Variants in THSD1 observed in about 807,000 individuals in gnomAD.
The protein encoded by THSD1 is thrombospondin type-1 domain-containing protein 1.
In THSD1, 34 loss-of-function variants were observed where a neutral mutation model predicts 46.3. That is an observed-to-expected ratio of 0.74 (90% CI 0.56 to 0.98). The LOEUF is 0.98. Ranked by LOEUF, THSD1 falls within the 50% of genes least tolerant of loss-of-function variation. The pLI is 0.00. For synonymous variants in THSD1, 407 were observed against 416.5 expected, an observed-to-expected ratio of 0.98 and a Z score of 0.28; for missense variants, 1,023 against 1,058.3, an observed-to-expected ratio of 0.97 and a Z score of 0.46.
Position 52,377,896 on chromosome 13 carries a change from C to T in THSD1, c.2074G>A (p.Glu692Lys). The change falls in exon 5 of 5, where the codon GAG (glutamate) becomes AAG (lysine). Residue 692 changes from glutamate (E) to lysine (K), a missense_variant. Physicochemically the swap from Glu to Lys is moderately conservative, Grantham distance 56. This residue lies in a region of THSD1 where 578 missense variants were observed against 497.4 expected (regional missense o/e 1.16). Coordinates refer to ENST00000258613, the MANE Select transcript of THSD1 (RefSeq NM_018676.4). ...SSRTRTCEQA[E>K]DRFRPQSRGA... The stretch of plus-strand genomic sequence containing the variant: ...CGACTCTGAGGCCTAAATCTGTCCT[C>T]TGCCTGCTCGCAGGTCCGCGTCCTA... 1 of 1,614,238 alleles carries T rather than the reference C, an allele frequency of 6.2e-7. No homozygotes were observed. Among genetic ancestry groups the T allele is most frequent in the Non-Finnish European group, 8.5e-7 (1 of 1,180,042 alleles).
Position 52,378,106 on chromosome 13 carries a change from G to T in THSD1, c.1864C>A (p.Gln622Lys). The T allele has an allele frequency of 6.2e-7, 1 of 1,614,194 alleles. No individual in the cohort carries two copies. The highest frequency in any genetic ancestry group is 2.2e-5 in the East Asian group (1 of 44,866). Reference sequence around the variant, plus strand: ...GCCTGTGACTTGCGGATCAGAGTCTGGCTGGGGCTTATGGCACAACTGGCC... The same window carrying T: ...GCCTGTGACTTGCGGATCAGAGTCTTGCTGGGGCTTATGGCACAACTGGCC... ...TQASCAISPS[Q>K]TLIRKSQARH... Residue 622 changes from glutamine to lysine, a missense_variant, in exon 5 of 5, where the codon CAG becomes AAG. Transcript: ENST00000258613.
intron 3 of THSD1, among the ~76,000 whole-genome samples, chr13:52,396,562 C>T (rs1319218173): frequency 1.3e-5 from 2 of 152,026 alleles, no homozygotes; most frequent in Admixed American, 6.6e-5. Flanking sequence ...AAAAAACGAA[C>T]GAGACCATTT....
At chr13:52,380,767 T>C (rs1451539989) in intron 4 of THSD1, among the ~76,000 whole-genome samples, 2 of 151,984 alleles carry the variant, frequency 1.3e-5, no homozygotes, top group Admixed American at 6.6e-5. Flanking sequence ...GCAGAGTGCG[T>C]TCCCCAAGCT....
rs1957822483 is a variant in THSD1 at position 52,397,725 on chromosome 13, A to C, written c.528T>G (p.Pro176=). The change falls in exon 3 of 5, where the codon CCT becomes CCG. Residue 176 remains proline (P), a synonymous_variant. Coordinates refer to ENST00000258613, the MANE Select transcript of THSD1 (RefSeq NM_018676.4). ...VVDVIFTNSL[P]EARRNSRQPL... ...GCTGTCTTGAATTTCTTCTTGCCTCAGGAAGACTGTTGGTGAAGATGACAT... is the reference window on the plus strand; with the variant it reads ...GCTGTCTTGAATTTCTTCTTGCCTCCGGAAGACTGTTGGTGAAGATGACAT... 1 of 1,614,220 alleles carries C rather than the reference A, an allele frequency of 6.2e-7. No individual in the cohort carries two copies. The highest frequency in any genetic ancestry group is 8.5e-7 in the Non-Finnish European group (1 of 1,180,046).
Position 52,377,831 on chromosome 13 carries a change from T to C in THSD1, c.2139A>G (p.Gln713=), listed in dbSNP as rs1468709404. Residue 713 remains glutamine, a synonymous_variant, in exon 5 of 5, where the codon CAA becomes CAG. Transcript: ENST00000258613. Reference sequence around the variant, plus strand: ...ATGGACCACGGGTTCCACTTGCCTCTTGGAAATGCTCCAGTTTTTCAGGAA... The same window carrying C: ...ATGGACCACGGGTTCCACTTGCCTCCTGGAAATGCTCCAGTTTTTCAGGAA... ...HLFPEKLEHF[Q]EASGTRGPLN... 2.5e-6 allele frequency: 4 copies of C among 1,614,222 alleles called. No individual in the cohort carries two copies. Among genetic ancestry groups the C allele is most frequent in the African/African-American group, 1.3e-5 (1 of 75,058 alleles).
rs1236016144 is a variant in THSD1 at position 52,378,242 on chromosome 13, G to C, written c.1728C>G (p.Ser576Arg). The change falls in exon 5 of 5, where the codon AGC (serine) becomes AGG (arginine). Residue 576 changes from serine (S) to arginine (R), a missense_variant. Ser to Arg is a moderately radical substitution (Grantham distance 110). Transcript: ENST00000258613. ...ACTTGTTTGCTGCAGCTTCTTCCGG[G>C]CTTTCCAAATCTAAGGGAGCGCTGG... The part of the protein sequence containing the change: ...AAPSAPLDLE[S>R]PEEAAANKFR... The C allele has an allele frequency of 6.2e-7, 1 of 1,614,188 alleles. No homozygotes were observed. Among genetic ancestry groups the C allele is most frequent in the South Asian group, 1.1e-5 (1 of 91,084 alleles).
chr13:52,388,181 TA>T (rs527728680), intron 3 of THSD1, among the ~76,000 whole-genome samples: 72 of 137,314 alleles, frequency 5.2e-4, no homozygotes, highest in Middle Eastern at 7.2e-3. Flanking sequence ...ACCACCCCAG[TA>T]AAAAAAAAAA....
At chr13:52,405,335 C>A (rs913827897) in intron 1 of THSD1, among the ~76,000 whole-genome samples, 8 of 152,168 alleles carry the variant, frequency 5.3e-5, no homozygotes, top group Non-Finnish European at 1.0e-4. Context: ...CACTAATGTC[C>A]ATGGGACCAA....
At chr13:52,388,200 G>GTA (rs1045958021) in intron 3 of THSD1, among the ~76,000 whole-genome samples, 6 of 150,716 alleles carry the variant, frequency 4.0e-5, no homozygotes, top group African/African-American at 1.5e-4. Flanking sequence ...AAATATATAT[G>GTA]TATATATATA....
chr13:52,397,091 G>T (rs923296507), intron 3 of THSD1, 141 bp downstream of exon 3: 3 of 731,904 alleles, frequency 4.1e-6, no homozygotes, highest in Non-Finnish European at 4.3e-6. Context: ...TTCAGCTAAG[G>T]GTGATAATGC....
chr13:52,403,791 A>AT (rs1957883967), intron 1 of THSD1, among the ~76,000 whole-genome samples: 1 of 150,840 alleles, frequency 6.6e-6, no homozygotes, highest in Admixed American at 6.6e-5. Context: ...AAAGGCACTT[A>AT]TTTTTATATA....
intron 3 of THSD1, among the ~76,000 whole-genome samples, chr13:52,391,240 A>G (rs1334767709): frequency 6.6e-6 from 1 of 151,192 alleles, no homozygotes; most frequent in Non-Finnish European, 1.5e-5. Context: ...TTTTTGAGAC[A>G]ATGTCTCACT....
rs2137745124 is a variant in THSD1 at position 52,397,794 on chromosome 13, T to G, written c.459A>C (p.Gln153His). 2 of 1,614,256 alleles carry G rather than the reference T, an allele frequency of 1.2e-6. No individual in the cohort carries two copies. Among genetic ancestry groups the G allele is most frequent in the Non-Finnish European group, 1.7e-6 (2 of 1,180,054 alleles). The change falls in exon 3 of 5, where the codon CAA (glutamine) becomes CAC (histidine). Residue 153 changes from glutamine (Q) to histidine (H), a missense_variant. Physicochemically the swap from Gln to His is conservative, Grantham distance 24. Coordinates refer to ENST00000258613, the MANE Select transcript of THSD1 (RefSeq NM_018676.4). ...TGTCCACAGGAAACGGGCACAGTGG[T>G]TGACTGGTAAATAGGCCCACTTGGA... ...GTFQVGLFTS[Q>H]PLCPFPVDKP...
intron 4 of THSD1, 40 bp from the exon 5 acceptor site, chr13:52,378,829 A>C: frequency 7.7e-4 from 1,061 of 1,376,918 alleles, no homozygotes; most frequent in Non-Finnish European, 9.5e-4. Flanking sequence ...AACAAAAAAC[A>C]CAGAGGAACA....
intron 3 of THSD1, among the ~76,000 whole-genome samples, chr13:52,392,560 T>A (rs2137738356): frequency 6.6e-6 from 1 of 152,372 alleles, no homozygotes; most frequent in East Asian, 1.9e-4. Context: ...CATCCATACA[T>A]GTGCTCACAC....
At chr13:52,387,003 C>T (rs1264025649) in intron 3 of THSD1, among the ~76,000 whole-genome samples, 1 of 152,192 alleles carries the variant, frequency 6.6e-6, no homozygotes, top group Non-Finnish European at 1.5e-5. Flanking sequence ...CTTAGGAACA[C>T]AGCACTTGCC....
chr13:52,390,570 T>G (rs1386838202), intron 3 of THSD1, among the ~76,000 whole-genome samples: 1 of 152,212 alleles, frequency 6.6e-6, no homozygotes, highest in African/African-American at 2.4e-5. Context: ...AACAATGAGC[T>G]GGCTTTGTCT....
Position 52,378,466 on chromosome 13 carries a change from C to A in THSD1, c.1504G>T (p.Gly502Trp), listed in dbSNP as rs917778234. ...TGIPLTYRRS[G>W]PVPPEDDASG... Reference sequence around the variant, plus strand: ...GCATCATCCTCGGGAGGTACCGGCCCGCTCCGCCTGTAGGTCAGAGGGATG... The same window carrying A: ...GCATCATCCTCGGGAGGTACCGGCCAGCTCCGCCTGTAGGTCAGAGGGATG... The change falls in exon 5 of 5, where the codon GGG (glycine) becomes TGG (tryptophan). Residue 502 changes from glycine to tryptophan, a missense_variant. Around this residue, in one of 3 missense-constraint regions of THSD1, gnomAD observed 578 missense variants for 497.4 expected, o/e 1.16. Coordinates refer to ENST00000258613, the MANE Select transcript of THSD1 (RefSeq NM_018676.4). The A allele has an allele frequency of 3.1e-6, 5 of 1,614,050 alleles. No homozygotes were observed. The highest frequency in any genetic ancestry group is 2.2e-5 in the East Asian group (1 of 44,892).
rs754122697 is a variant in THSD1, at chr13:52,397,342, T to G, written c.911A>C (p.Asn304Thr). The change falls in exon 3 of 5, where the codon AAC becomes ACC. Residue 304 changes from asparagine to threonine, a missense_variant. By Grantham distance (65) the Asn-to-Thr change is moderately conservative. Coordinates refer to ENST00000258613, the MANE Select transcript of THSD1 (RefSeq NM_018676.4). ...CTTCCCCATGTCAAACAAAGTACAG[T>G]TAAAAATTGTCCTCCTCTCTCCCAG... ...LPLGERRTIF[N>T]CTLFDMGKNK... The G allele has an allele frequency of 6.2e-7, 1 of 1,614,020 alleles. No homozygotes were observed.
Sources: allele counts gnomAD v4.1 joint callset (sites outside exome capture counted in the v4.1 genomes callset), GRCh38; gene constraint gnomAD v4.1.1; regional missense constraint gnomAD v4.1.1; transcripts MANE v1.5; gene names NCBI Gene and HGNC (gene_info 2026-07-23, HGNC 2026-07-21).